NAA16: variants seen among roughly 807,000 people sequenced by gnomAD.
NAA16 encodes the protein N-alpha-acetyltransferase 16, NatA auxiliary subunit.
Under a neutral mutation model 110.3 loss-of-function variants are expected in NAA16, and 97 were observed. The observed-to-expected ratio is 0.88, with a 90% CI of 0.75 to 1.04. The LOEUF is 1.04. NAA16 is among the 50% of genes least tolerant of loss of function. The pLI is 0.00. For missense variants in NAA16, 1,017 were observed against 1,005.1 expected, an observed-to-expected ratio of 1.01 and a Z score of -0.16; for synonymous variants, 372 against 330.6, an observed-to-expected ratio of 1.13 and a Z score of -1.36.
intron 1 of NAA16, 83 bp from the exon 2 acceptor site, chr13:41,316,763 A>G: frequency 1.1e-6 from 1 of 869,954 alleles, no homozygotes; most frequent in Non-Finnish European, 1.9e-6. Context: ...TTGGATCTTG[A>G]GTTTAGAATA....
At chr13:41,350,376 C>A (rs560422721) in intron 9 of NAA16, among the ~76,000 whole-genome samples, 39 of 150,764 alleles carry the variant, frequency 2.6e-4, no homozygotes, top group African/African-American at 9.3e-4. Context: ...TCACTGCAAG[C>A]TCCACCTCCC....
At chr13:41,322,991 G>A in intron 4 of NAA16, 65 bp from the exon 5 acceptor site, 3 of 1,422,948 alleles carry the variant, frequency 2.1e-6, no homozygotes, top group Non-Finnish European at 3.0e-6. Context: ...AGGTTAGATT[G>A]TTTTCTTAAA....
intron 6 of NAA16, 79 bp downstream of exon 6, chr13:41,325,930 C>G (rs564400677): frequency 1.7e-6 from 2 of 1,174,042 alleles, no homozygotes; most frequent in South Asian, 1.8e-5. Context: ...CTAAGTCTTA[C>G]GTAACAGTTG....
At chr13:41,341,166 A>G (rs578183988) in intron 9 of NAA16, among the ~76,000 whole-genome samples, 2 of 152,252 alleles carry the variant, frequency 1.3e-5, no homozygotes, top group South Asian at 2.1e-4. Context: ...GTAGATGTCT[A>G]TTAGGTCTGC....
At chr13:41,335,827 A>T (rs1367964779) in intron 8 of NAA16, among the ~76,000 whole-genome samples, 1 of 149,134 alleles carries the variant, frequency 6.7e-6, no homozygotes, top group Non-Finnish European at 1.5e-5. Context: ...CAGTCATCTT[A>T]CTTGAGGCTA....
intron 6 of NAA16, among the ~76,000 whole-genome samples, chr13:41,328,502 T>C (rs2042151689): frequency 6.6e-6 from 1 of 152,128 alleles, no homozygotes; most frequent in Non-Finnish European, 1.5e-5. Context: ...GTCCTATGTA[T>C]TTGTTTGGAG....
At chr13:41,341,870 C>T (rs2042557185) in intron 9 of NAA16, among the ~76,000 whole-genome samples, 1 of 145,940 alleles carries the variant, frequency 6.9e-6, no homozygotes, top group East Asian at 2.0e-4. Context: ...CTCACTCTGT[C>T]GCCCAGGCTG....
At chr13:41,373,574 A>C (rs548268556) in intron 17 of NAA16, 63 bp from the exon 18 acceptor site, 97 of 1,481,506 alleles carry the variant, frequency 6.5e-5, no homozygotes, top group Non-Finnish European at 8.5e-5. Flanking sequence ...GGTTTTCAGT[A>C]GGTTTTTTTT....
chr13:41,322,069 A>C (rs2041960535), intron 4 of NAA16, among the ~76,000 whole-genome samples: 1 of 152,198 alleles, frequency 6.6e-6, no homozygotes, highest in Non-Finnish European at 1.5e-5. Context: ...ATGGCTGCTA[A>C]AGTGGATTGT....
At chr13:41,331,218 T>G in intron 7 of NAA16, 56 bp from the exon 8 acceptor site, 1 of 1,043,642 alleles carries the variant, frequency 9.6e-7, no homozygotes, top group South Asian at 1.5e-5. Context: ...TGTTAGCATT[T>G]TACCATAGAT....
At chr13:41,324,929 G>T (rs1380428813) in intron 5 of NAA16, among the ~76,000 whole-genome samples, 2 of 147,336 alleles carry the variant, frequency 1.4e-5, no homozygotes, top group East Asian at 4.0e-4. Flanking sequence ...AGACTATAGT[G>T]TAGTGTTAAT....
intron 17 of NAA16, chr13:41,373,350 C>T (rs1385388390): frequency 5.9e-6 from 2 of 340,650 alleles, no homozygotes; most frequent in African/African-American, 4.5e-5. Context: ...CTCCACCTCC[C>T]GGGTTCAAGT....
In NAA16 at chr13:41,316,371, A is replaced by C. The variant is rs1307414740; in HGVS notation, c.55-475A>C. 2.8e-5 allele frequency among the ~76,000 whole-genome samples: 4 copies of C among 144,142 alleles called. No individual in the cohort carries two copies. The Admixed American group carries it at 2.9e-4, about 10-fold the overall frequency. The allele number at this position is 144,142 out of a possible 152,430, so 94.6% of individuals were successfully genotyped here. A position where few individuals can be genotyped will look rare whatever the true frequency, so the allele number is the denominator to read the frequency against. On this transcript the variant is annotated intron_variant, in intron 1 of 19. Coordinates refer to ENST00000379406, the MANE Select transcript of NAA16 (RefSeq NM_024561.5). ...TCCCAGGCTGGAGTGCAGTGGTGTG[A>C]TCTCTGCTCACTGCAACCTCTGCCT...
At chr13:41,369,047 T>G in intron 14 of NAA16, 43 bp from the exon 15 acceptor site, 1 of 1,511,942 alleles carries the variant, frequency 6.6e-7, no homozygotes, top group South Asian at 1.3e-5. Flanking sequence ...ATGAAGAAAA[T>G]GCAAACATTG....
Position 41,350,624 on chromosome 13 carries a change from G to GT in NAA16, c.1015-4517dup, listed in dbSNP as rs1566280319. On this transcript the variant is annotated intron_variant, in intron 9 of 19. Transcript: ENST00000379406. ...TTTTTTTTGTTTTTTTTTTTTGTTT[G>GT]TTTGTTTTTTTTAAGATAAGAGTTT... Among the ~76,000 whole-genome samples, 316 of 43,664 alleles carry GT rather than the reference G, an allele frequency of 7.2e-3. 4 individuals are homozygous for GT. Among genetic ancestry groups the GT allele is most frequent in the African/African-American group, 0.022 (161 of 7,482 alleles). 28.6% of individuals were successfully genotyped at this position (43,664 alleles called of 152,430 possible).
intron 9 of NAA16, among the ~76,000 whole-genome samples, chr13:41,343,837 G>A (rs924071364): frequency 5.9e-5 from 9 of 151,466 alleles, no homozygotes; most frequent in Non-Finnish European, 7.4e-5. Flanking sequence ...CACTGCACCC[G>A]GCCTAGAAAT....
intron 6 of NAA16, chr13:41,327,747 T>TTTTTTTTTTTTTTTTTTTTTTTTGAG (rs2042130456): frequency 2.7e-5 from 4 of 150,904 alleles, no homozygotes; most frequent in African/African-American, 9.9e-5. Flanking sequence ...TTTAAAGTTT[T>TTTTTTTTTTTTTTTTTTTTTTTTGAG]AAGTAGCAGA....
intron 3 of NAA16, among the ~76,000 whole-genome samples, chr13:41,319,271 C>T (rs2041885665): frequency 6.6e-6 from 1 of 152,138 alleles, no homozygotes; most frequent in Non-Finnish European, 1.5e-5. Context: ...CTGGGTAATA[C>T]TTTCCTGTTA....
At chr13:41,340,691 T>C (rs8001683) in intron 9 of NAA16, among the ~76,000 whole-genome samples, 4,324 of 105,256 alleles carry the variant, frequency 0.041, 737 homozygotes, top group African/African-American at 0.18. Flanking sequence ...TTTTTTTTTT[T>C]CCGAGACGGA....
Sources: gnomAD v4.1 joint callset for allele counts (sites outside exome capture counted in the v4.1 genomes callset) on GRCh38, gnomAD v4.1.1 for gene constraint, MANE v1.5 for transcripts, NCBI Gene and HGNC (gene_info 2026-07-23, HGNC 2026-07-21) for gene names.